The following NRG4 variants were observed in gnomAD, a reference collection of about 807,000 sequenced individuals.
The protein encoded by NRG4 is pro-neuregulin-4, membrane-bound isoform.
In NRG4, 10 loss-of-function variants were observed where a neutral mutation model predicts 15.0. That is an observed-to-expected ratio of 0.67 (90% CI 0.41 to 1.13). The LOEUF (loss-of-function observed/expected upper bound fraction) is 1.13. NRG4 is among the 50% of genes most tolerant of loss of function. The pLI is 0.00. For synonymous variants in NRG4, 41 were observed against 50.1 expected, an observed-to-expected ratio of 0.82 and a Z score of 0.77; for missense variants, 139 against 140.2, an observed-to-expected ratio of 0.99 and a Z score of 0.04.
At chr15:76,050,908 C>G (rs979405164) in intron 4 of NRG4, among the ~76,000 whole-genome samples, 2 of 150,066 alleles carry the variant, frequency 1.3e-5, no homozygotes, top group East Asian at 3.9e-4. Context: ...TGGGCTCACG[C>G]TATCCTCCCA....
intron 5 of NRG4, among the ~76,000 whole-genome samples, chr15:75,953,284 C>T (rs916274629): frequency 6.6e-5 from 10 of 152,134 alleles, no homozygotes; most frequent in African/African-American, 1.9e-4. Flanking sequence ...ATTATTACCC[C>T]CCACTGAATT....
intron 5 of NRG4, among the ~76,000 whole-genome samples, chr15:75,955,190 C>T (rs2032162708): frequency 6.6e-6 from 1 of 152,128 alleles, no homozygotes; most frequent in Non-Finnish European, 1.5e-5. Flanking sequence ...TCTTCATACA[C>T]CTCTCTTTTT....
intron 5 of NRG4, among the ~76,000 whole-genome samples, chr15:76,024,652 C>T (rs1162988580): frequency 6.6e-6 from 1 of 152,226 alleles, no homozygotes; most frequent in African/African-American, 2.4e-5. Flanking sequence ...TTCAAGTTGG[C>T]TGACTCACTG....
At chr15:76,018,184 T>G (rs2035045405) in intron 5 of NRG4, among the ~76,000 whole-genome samples, 1 of 152,218 alleles carries the variant, frequency 6.6e-6, no homozygotes, top group South Asian at 2.1e-4. Context: ...ATCAGGTCAC[T>G]TATGTTCTTC....
rs572405606 is a variant in NRG4, at chr15:75,944,859, G to A, written c.332-1205C>T. Among the ~76,000 whole-genome samples, 21 of 151,878 alleles carry A rather than the reference G, an allele frequency of 1.4e-4. No individual in the cohort carries two copies. The South Asian group carries it at 2.1e-3, about 15-fold the overall frequency. On this transcript the variant is annotated intron_variant, in intron 5 of 5. Transcript: ENST00000394907. ...AAAAACGGTCAAATGAACTAATTTT[G>A]TCAGCTGAGCCTAATACCTTACCCC...
downstream of NRG4, chr15:75,936,096 A>G (rs1339918990): frequency 6.6e-6 from 1 of 152,056 alleles, no homozygotes; most frequent in Non-Finnish European, 1.5e-5. Flanking sequence ...CACAAATCTG[A>G]GAACTTTCTA....
At chr15:75,949,571 G>A (rs1240934515) in intron 5 of NRG4, among the ~76,000 whole-genome samples, 1 of 152,082 alleles carries the variant, frequency 6.6e-6, no homozygotes, top group African/African-American at 2.4e-5. Flanking sequence ...GTCCTTTGAA[G>A]CACAAAAGTT....
intron 3 of NRG4, among the ~76,000 whole-genome samples, chr15:75,986,004 T>C (rs559886504): frequency 2.6e-5 from 4 of 152,296 alleles, no homozygotes; most frequent in African/African-American, 9.6e-5. Context: ...GGAAAAACTG[T>C]TGACACAAAA....
chr15:76,017,380 T>G (rs111619721), upstream of NRG4, among the ~76,000 whole-genome samples: 2,876 of 152,186 alleles, frequency 0.019, 98 homozygotes, highest in African/African-American at 0.066. Context: ...GATCCTATCA[T>G]TATGATGCTA....
intron 3 of NRG4, among the ~76,000 whole-genome samples, chr15:75,980,757 T>C (rs192167070): frequency 6.6e-6 from 1 of 152,198 alleles, no homozygotes; most frequent in Admixed American, 6.6e-5. Context: ...GCCTCCTACA[T>C]CCCTCAGAGA....
At chr15:76,038,418 C>T (rs1208690335) in intron 4 of NRG4, among the ~76,000 whole-genome samples, 2 of 152,196 alleles carry the variant, frequency 1.3e-5, no homozygotes, top group Non-Finnish European at 2.9e-5. Context: ...GTAGCATTCA[C>T]CACAAGCTAA....
intron 3 of NRG4, among the ~76,000 whole-genome samples, chr15:75,980,927 G>A (rs2033583396): frequency 6.6e-6 from 1 of 152,052 alleles, no homozygotes; most frequent in Admixed American, 6.5e-5. Context: ...ATTAATAAAG[G>A]AAGAAATAAA....
intron 3 of NRG4, among the ~76,000 whole-genome samples, chr15:75,994,555 CAG>C (rs767731280): frequency 6.6e-6 from 1 of 152,168 alleles, no homozygotes; most frequent in African/African-American, 2.4e-5. Context: ...TATACTTGTG[CAG>C]AGTTTATTAT....
intron 3 of NRG4, among the ~76,000 whole-genome samples, chr15:75,988,744 C>A (rs2033894022): frequency 6.6e-6 from 1 of 150,978 alleles, no homozygotes; most frequent in Non-Finnish European, 1.5e-5. Flanking sequence ...TGGAAAGAGA[C>A]AGAGGAAGTG....
intron 4 of NRG4, 49 bp from the exon 5 acceptor site, chr15:75,956,060 A>G (rs757170065): frequency 9.1e-7 from 1 of 1,098,426 alleles, no homozygotes; most frequent in Non-Finnish European, 1.4e-6. Context: ...TAATAGGAAA[A>G]GCATGTCAGA....
intron 5 of NRG4, among the ~76,000 whole-genome samples, chr15:76,019,404 C>T (rs774879444): frequency 4.6e-5 from 7 of 152,104 alleles, no homozygotes; most frequent in Non-Finnish European, 7.4e-5. Flanking sequence ...GCAGCTAGCT[C>T]GGTGTCTGCC....
chr15:76,055,418 C>T (rs1023404851), intron 2 of NRG4, among the ~76,000 whole-genome samples: 7 of 152,194 alleles, frequency 4.6e-5, no homozygotes, highest in Admixed American at 1.3e-4. Flanking sequence ...TAATCAAGTT[C>T]TGTCTCTTCA....
intron 4 of NRG4, among the ~76,000 whole-genome samples, chr15:76,037,862 G>C (rs561587052): frequency 6.6e-6 from 1 of 152,148 alleles, no homozygotes; most frequent in Non-Finnish European, 1.5e-5. Context: ...GGAGAGAAGA[G>C]GGAAGAGTAA....
intron 5 of NRG4, among the ~76,000 whole-genome samples, chr15:75,952,092 C>T (rs2031935425): frequency 6.6e-6 from 1 of 152,124 alleles, no homozygotes; most frequent in Non-Finnish European, 1.5e-5. Flanking sequence ...GAGATACAAT[C>T]ACGTACCATA....
Sources: gnomAD v4.1 joint callset for allele counts (sites outside exome capture counted in the v4.1 genomes callset) on GRCh38, gnomAD v4.1.1 for gene constraint, MANE v1.5 for transcripts, NCBI Gene and HGNC (gene_info 2026-07-23, HGNC 2026-07-21) for gene names.